Variants in COL5A2 observed in about 807,000 individuals in gnomAD.
COL5A2 encodes collagen alpha-2(V) chain.
COL5A2 carries 23 observed loss-of-function variants against 208.2 expected under a neutral mutation model. The observed-to-expected ratio is 0.11, with a 90% CI of 0.08 to 0.16. The LOEUF (loss-of-function observed/expected upper bound fraction) is 0.16, where lower values mean the gene tolerates loss of function less well. Among genes scored for constraint, COL5A2 ranks in the 10% least tolerant of loss-of-function variants. The probability of loss-of-function intolerance (pLI) is 1.00; values close to 1 mark genes in which losing one functional copy is unlikely to be tolerated. For missense variants in COL5A2, 1,590 were observed against 1,956.4 expected (o/e 0.81, Z 3.53); for synonymous variants, 625 against 628.5 (o/e 0.99, Z 0.08).
At chr2:189,197,183 G>A (rs968561892) in intron 1 of COL5A2, among the ~76,000 whole-genome samples, 4 of 152,096 alleles carry the variant, frequency 2.6e-5, no homozygotes, top group African/African-American at 4.8e-5. Context: ...ACTAACATAG[G>A]AACAGAAAAC....
At chr2:189,173,698 A>G (rs1688618200) in intron 1 of COL5A2, among the ~76,000 whole-genome samples, 1 of 152,180 alleles carries the variant, frequency 6.6e-6, no homozygotes, top group Admixed American at 6.5e-5. Context: ...GAAAAGTTCA[A>G]AGACTTCATA....
At chr2:189,383,422 C>G in the COL5A2 span, among the ~76,000 whole-genome samples, 2 of 152,032 alleles carry the variant, frequency 1.3e-5, no homozygotes, top group African/African-American at 4.8e-5. Flanking sequence ...TTTTAATTAC[C>G]ACTTTAACGA....
the COL5A2 span, among the ~76,000 whole-genome samples, chr2:189,249,421 T>C: frequency 6.6e-6 from 1 of 152,234 alleles, no homozygotes; most frequent in Non-Finnish European, 1.5e-5. Flanking sequence ...TATAGTTTCC[T>C]ATGGTAATTC....
chr2:189,222,789 T>C (rs556177890), intron 1 of COL5A2, among the ~76,000 whole-genome samples: 3 of 152,144 alleles, frequency 2.0e-5, no homozygotes, highest in South Asian at 2.1e-4. Context: ...TAATGCCCAG[T>C]AGAAAGCCTC....
the COL5A2 span, among the ~76,000 whole-genome samples, chr2:189,399,079 G>A: frequency 6.6e-6 from 1 of 151,878 alleles, no homozygotes; most frequent in Non-Finnish European, 1.5e-5. Context: ...ATATTCATTT[G>A]GATACATCCA....
At chr2:189,132,017 T>A (rs1687725730) in intron 1 of COL5A2, among the ~76,000 whole-genome samples, 1 of 152,228 alleles carries the variant, frequency 6.6e-6, no homozygotes. Flanking sequence ...GATTATAAGG[T>A]ATCTATTAAT....
At chr2:189,336,112 T>C in the COL5A2 span, among the ~76,000 whole-genome samples, 2 of 151,892 alleles carry the variant, frequency 1.3e-5, no homozygotes, top group African/African-American at 2.4e-5. Flanking sequence ...AAGAAAGACA[T>C]GGAAAGGCCA....
chr2:189,228,175 G>A (rs1233243986), upstream of COL5A2, among the ~76,000 whole-genome samples: 1 of 151,706 alleles, frequency 6.6e-6, no homozygotes, highest in African/African-American at 2.4e-5. Flanking sequence ...CAATTCTGAA[G>A]GAAGTTTAAA....
chr2:189,183,028 G>C (rs994597902), upstream of COL5A2, among the ~76,000 whole-genome samples: 1 of 152,124 alleles, frequency 6.6e-6, no homozygotes, highest in Non-Finnish European at 1.5e-5. Context: ...AAAAAAAGAA[G>C]GGGAGGTTTC....
Position 189,079,117 on chromosome 2 carries a change from A to T in COL5A2, c.961-10T>A, listed in dbSNP as rs770126461. On this transcript the variant is annotated splice_polypyrimidine_tract_variant and intron_variant, in intron 14 of 53. Transcript: ENST00000374866. ...TGGGGCCAGCTTCACCCTAAAAAAA[A>T]ATGAGAATACATTACAGTATGAGAA... 6.2e-7 allele frequency: 1 copy of T among 1,610,464 alleles called. No homozygotes were observed. Among genetic ancestry groups the T allele is most frequent in the African/African-American group, 1.3e-5 (1 of 74,812 alleles).
At chr2:189,079,206 A>T in intron 14 of COL5A2, 99 bp from the exon 15 acceptor site, 1 of 951,480 alleles carries the variant, frequency 1.1e-6, no homozygotes, top group East Asian at 2.4e-5. Context: ...TTCAAAGAGG[A>T]CATATGAAAG....
In COL5A2 at chr2:189,039,150, G is replaced by A. The variant is rs200167588; in HGVS notation, c.3925+122C>T. 13 of 1,237,766 alleles carry A rather than the reference G, an allele frequency of 1.1e-5. No individual in the cohort carries two copies. The East Asian group carries it at 2.8e-4, about 26-fold the overall frequency. The allele number at this position is 1,237,766 out of a possible 1,614,324, so 76.7% of individuals were successfully genotyped here. The stretch of plus-strand genomic sequence containing the variant: ...CATTAAATTATAAGCTCCATGATAT[G>A]TTTACTATTTTTATCTCAAATCTAT... On this transcript the variant is annotated intron_variant, in intron 51 of 53. Coordinates refer to ENST00000374866, the MANE Select transcript of COL5A2 (RefSeq NM_000393.5).
At chr2:189,288,755 T>G in the COL5A2 span, among the ~76,000 whole-genome samples, 1 of 151,834 alleles carries the variant, frequency 6.6e-6, no homozygotes, top group Admixed American at 6.6e-5. Flanking sequence ...ACAAAGACAC[T>G]AAAAGAAAAG....
At chr2:189,412,364 C>A in the COL5A2 span, among the ~76,000 whole-genome samples, 42 of 152,152 alleles carry the variant, frequency 2.8e-4, no homozygotes, top group Non-Finnish European at 5.6e-4. Flanking sequence ...ATAAAGACCA[C>A]TAAAAATCCA....
the COL5A2 span, among the ~76,000 whole-genome samples, chr2:189,334,657 C>A: frequency 1.3e-5 from 2 of 151,932 alleles, no homozygotes; most frequent in Non-Finnish European, 2.9e-5. Context: ...TCCTTTCTCC[C>A]CAAATTGATA....
intron 1 of COL5A2, among the ~76,000 whole-genome samples, chr2:189,178,528 T>C (rs559360828): frequency 5.8e-4 from 88 of 152,032 alleles, no homozygotes; most frequent in African/African-American, 2.0e-3. Context: ...TTTAAAGGAG[T>C]ACATGTCTGT....
chr2:189,065,605 C>G (rs1686131323), intron 23 of COL5A2, among the ~76,000 whole-genome samples: 1 of 152,066 alleles, frequency 6.6e-6, no homozygotes. Context: ...ACAGAGAAAA[C>G]TGATATCTAG....
At chr2:189,094,170 T>C (rs1356621322) in intron 6 of COL5A2, among the ~76,000 whole-genome samples, 3 of 152,206 alleles carry the variant, frequency 2.0e-5, no homozygotes, top group Non-Finnish European at 2.9e-5. Context: ...TTCAGATTCA[T>C]TATATGTCTC....
At chr2:189,390,173 T>G in the COL5A2 span, among the ~76,000 whole-genome samples, 1 of 151,826 alleles carries the variant, frequency 6.6e-6, no homozygotes, top group African/African-American at 2.4e-5. Context: ...TGCCTGTGTG[T>G]TGAACTGTAG....
Sources: allele counts gnomAD v4.1 joint callset (sites outside exome capture counted in the v4.1 genomes callset), GRCh38; gene constraint gnomAD v4.1.1; transcripts MANE v1.5; gene names NCBI Gene and HGNC (gene_info 2026-07-23, HGNC 2026-07-21).